Variants in FBXL17 observed in about 807,000 individuals in gnomAD.
FBXL17 encodes the protein F-box and leucine rich repeat protein 17.
FBXL17 carries 22 observed loss-of-function variants against 66.2 expected under a neutral mutation model. The observed-to-expected ratio is 0.33, with a 90% CI of 0.24 to 0.47. The LOEUF (loss-of-function observed/expected upper bound fraction) is 0.47. Among genes scored for constraint, FBXL17 ranks in the 20% least tolerant of loss-of-function variants. FBXL17 has a pLI of 1.00. For missense variants in FBXL17, 878 were observed against 948.2 expected (o/e 0.93, Z 0.97); for synonymous variants, 474 against 400.5 (o/e 1.18, Z -2.19).
intron 7 of FBXL17, among the ~76,000 whole-genome samples, chr5:107,992,005 G>A (rs554719259): frequency 6.6e-6 from 1 of 151,842 alleles, no homozygotes; most frequent in Admixed American, 6.6e-5. Flanking sequence ...ATGAAGTGAG[G>A]GGACCAACGG....
intron 7 of FBXL17, among the ~76,000 whole-genome samples, chr5:107,982,285 G>C (rs908910758): frequency 3.9e-5 from 6 of 151,982 alleles, no homozygotes; most frequent in South Asian, 4.1e-4. Flanking sequence ...ATACTTTATA[G>C]GATTACAGTA....
intron 7 of FBXL17, among the ~76,000 whole-genome samples, chr5:107,911,088 A>T (rs1490518842): frequency 6.6e-6 from 1 of 152,154 alleles, no homozygotes; most frequent in Admixed American, 6.6e-5. Context: ...TTATGTGAGA[A>T]TAAGTAAGAT....
chr5:108,331,277 G>A (rs983279868), intron 4 of FBXL17, among the ~76,000 whole-genome samples: 5 of 152,082 alleles, frequency 3.3e-5, no homozygotes, highest in African/African-American at 1.2e-4. Flanking sequence ...TTAGTATGAA[G>A]GCAGATATGA....
intron 6 of FBXL17, among the ~76,000 whole-genome samples, chr5:108,051,946 T>C (rs183816958): frequency 5.9e-5 from 9 of 151,308 alleles, no homozygotes. Context: ...CTGTCTCTTC[T>C]AAAAAAATAC....
chr5:108,381,342 C>T lies in FBXL17; in HGVS notation c.350G>A (p.Arg117His). The T allele has an allele frequency of 1.5e-6, 2 of 1,370,956 alleles. No individual in the cohort carries two copies. The highest frequency in any genetic ancestry group is 1.9e-6 in the Non-Finnish European group (2 of 1,069,132). The allele number at this position is 1,370,956 out of a possible 1,614,324, so 84.9% of individuals were successfully genotyped here. A position where few individuals can be genotyped will look rare whatever the true frequency, so the allele number is the denominator to read the frequency against. Residue 117 changes from arginine (R) to histidine (H), a missense_variant, in exon 1 of 9, where the codon CGC becomes CAC. Physicochemically the swap from Arg to His is conservative, Grantham distance 29 (BLOSUM62 0). Coordinates refer to ENST00000542267, the MANE Select transcript of FBXL17 (RefSeq NM_001163315.3). Reference protein sequence around the residue: ...LAAEDCAAAARRFLLSSAAAA... With the variant: ...LAAEDCAAAAHRFLLSSAAAA... ...GGCGGCCGAGGATAGCAGGAAGCGG[C>T]GGGCAGCAGCGGCGCAGTCCTCGGC...
At chr5:108,079,135 C>T (rs1409784662) in intron 6 of FBXL17, among the ~76,000 whole-genome samples, 1 of 151,630 alleles carries the variant, frequency 6.6e-6, no homozygotes, top group Non-Finnish European at 1.5e-5. Context: ...GGGCATGAGT[C>T]ACCAGGCCTA....
intron 4 of FBXL17, among the ~76,000 whole-genome samples, chr5:108,235,188 T>G (rs969895590): frequency 2.0e-5 from 3 of 152,216 alleles, no homozygotes; most frequent in African/African-American, 7.2e-5. Context: ...TCTACATGCA[T>G]GTACCAAACA....
intron 6 of FBXL17, among the ~76,000 whole-genome samples, chr5:108,136,670 T>C (rs1164819419): frequency 6.6e-6 from 1 of 152,138 alleles, no homozygotes; most frequent in African/African-American, 2.4e-5. Flanking sequence ...AAGTTCATAA[T>C]TATATTAAAT....
intron 5 of FBXL17, among the ~76,000 whole-genome samples, chr5:108,192,427 T>A (rs1753503483): frequency 6.6e-6 from 1 of 152,144 alleles, no homozygotes; most frequent in Non-Finnish European, 1.5e-5. Flanking sequence ...ACTGCTTTTA[T>A]TAGAAAAAAA....
At chr5:108,123,123 T>C (rs1279079558) in intron 6 of FBXL17, among the ~76,000 whole-genome samples, 2 of 151,314 alleles carry the variant, frequency 1.3e-5, no homozygotes, top group African/African-American at 4.9e-5. Context: ...TGTTGTGTGA[T>C]GGTGGTTGTG....
chr5:108,009,072 A>C (rs1754044649), intron 7 of FBXL17, among the ~76,000 whole-genome samples: 1 of 150,494 alleles, frequency 6.6e-6, no homozygotes, highest in South Asian at 2.1e-4. Context: ...ATCATCAAAC[A>C]GTACATAGCT....
chr5:107,893,575 G>C (rs1435676254), intron 7 of FBXL17, among the ~76,000 whole-genome samples: 1 of 152,146 alleles, frequency 6.6e-6, no homozygotes, highest in Non-Finnish European at 1.5e-5. Flanking sequence ...ACAAAATCTT[G>C]AATCTGTCCC....
At chr5:108,012,950 G>T (rs1438278257) in intron 7 of FBXL17, among the ~76,000 whole-genome samples, 1 of 149,144 alleles carries the variant, frequency 6.7e-6, no homozygotes, top group Non-Finnish European at 1.5e-5. Flanking sequence ...GGGAGGCGGA[G>T]GTTGCGTCAG....
At chr5:107,988,234 A>G (rs887271239) in intron 7 of FBXL17, among the ~76,000 whole-genome samples, 1 of 152,066 alleles carries the variant, frequency 6.6e-6, no homozygotes, top group Non-Finnish European at 1.5e-5. Flanking sequence ...TCTGAAACCA[A>G]GTAATTCTAT....
intron 4 of FBXL17, among the ~76,000 whole-genome samples, chr5:108,262,070 A>ATTTTTTTTTTTTTTTTTTTTTT (rs200282593): frequency 7.2e-6 from 1 of 138,932 alleles, no homozygotes; most frequent in African/African-American, 3.1e-5. Flanking sequence ...TTATTTATTT[A>ATTTTTTTTTTTTTTTTTTTTTT]TTTATTTATT....
chr5:108,158,714 T>C (rs545006102), intron 6 of FBXL17, among the ~76,000 whole-genome samples: 5 of 152,286 alleles, frequency 3.3e-5, no homozygotes, highest in Admixed American at 6.5e-5. Context: ...ATTTGATTTC[T>C]AGAGAATCAG....
chr5:108,166,166 T>C lies in FBXL17; in HGVS notation c.1745+19951A>G, dbSNP rs371776389. On this transcript the variant is annotated intron_variant, in intron 6 of 8. Coordinates refer to ENST00000542267, the MANE Select transcript of FBXL17 (RefSeq NM_001163315.3). ...TCTCAGGAAAGAGTCAAGTGAGACT[T>C]TGATGTTGCATTCCACTGTAATTCA... Among the ~76,000 whole-genome samples the C allele has an allele frequency of 2.4e-4, 36 of 152,354 alleles. No homozygotes were observed. In the South Asian group the frequency reaches 7.2e-3, roughly 31 times the overall value.
intron 6 of FBXL17, among the ~76,000 whole-genome samples, chr5:108,165,207 T>C (rs1752371161): frequency 6.6e-6 from 1 of 152,208 alleles, no homozygotes; most frequent in Non-Finnish European, 1.5e-5. Context: ...AATGGTGGTA[T>C]AGTTCTATAG....
intron 6 of FBXL17, among the ~76,000 whole-genome samples, chr5:108,175,883 G>T (rs1421860975): frequency 6.6e-6 from 1 of 152,102 alleles, no homozygotes; most frequent in Non-Finnish European, 1.5e-5. Context: ...ACTAATCACA[G>T]GAGATATTTA....
Sources: gnomAD v4.1 joint callset for allele counts (sites outside exome capture counted in the v4.1 genomes callset) on GRCh38, gnomAD v4.1.1 for gene constraint, MANE v1.5 for transcripts, NCBI Gene and HGNC (gene_info 2026-07-23, HGNC 2026-07-21) for gene names.